Variants in P2RY14 observed in about 807,000 individuals in gnomAD.
P2RY14 encodes P2Y purinoceptor 14.
Under a neutral mutation model 0.9 loss-of-function variants are expected in P2RY14, and 2 were observed. That is an observed-to-expected ratio of 2.16 (90% CI 0.88 to 6.79). The LOEUF (loss-of-function observed/expected upper bound fraction) is 6.79, where lower values mean the gene tolerates loss of function less well. P2RY14 is among the 30% of genes most tolerant of loss of function. P2RY14 has a pLI of 0.05. For synonymous variants in P2RY14, 158 were observed against 147.2 expected (o/e 1.07, Z -0.53); for missense variants, 378 against 400.1 (o/e 0.94, Z 0.47).
chr3:151,261,486 C>T (rs569236194), intron 1 of P2RY14: 4 of 152,136 alleles, frequency 2.6e-5, no homozygotes, highest in Non-Finnish European at 5.9e-5. Flanking sequence ...ACATTACTTC[C>T]GTTAGAGAGG....
At chr3:151,250,500 A>G (rs1168245238) in intron 1 of P2RY14, among the ~76,000 whole-genome samples, 4 of 152,176 alleles carry the variant, frequency 2.6e-5, no homozygotes, top group South Asian at 2.1e-4. Context: ...TACTCTAGCT[A>G]TCTCATAGAA....
At chr3:151,216,110 C>T (rs1156365085) in intron 2 of P2RY14, among the ~76,000 whole-genome samples, 1 of 152,196 alleles carries the variant, frequency 6.6e-6, no homozygotes, top group Non-Finnish European at 1.5e-5. Context: ...TCCACTACTA[C>T]AAGCTCCTTC....
At chr3:151,224,306 T>C (rs139331893) in intron 1 of P2RY14, among the ~76,000 whole-genome samples, 1 of 152,332 alleles carries the variant, frequency 6.6e-6, no homozygotes, top group East Asian at 1.9e-4. Flanking sequence ...TGGATCTTTT[T>C]CTATGAGATA....
chr3:151,272,929 T>C (rs1175291049), intron 1 of P2RY14, among the ~76,000 whole-genome samples: 2 of 152,158 alleles, frequency 1.3e-5, no homozygotes, highest in Non-Finnish European at 2.9e-5. Context: ...GTATCCCTAA[T>C]CCCAAAATCT....
intron 1 of P2RY14, among the ~76,000 whole-genome samples, chr3:151,222,593 A>G (rs1397831715): frequency 2.0e-5 from 3 of 152,230 alleles, no homozygotes; most frequent in Non-Finnish European, 4.4e-5. Context: ...CCACCATGTG[A>G]GATGTGCTCC....
At chr3:151,221,692 G>C (rs1359242878) in intron 1 of P2RY14, among the ~76,000 whole-genome samples, 1 of 152,218 alleles carries the variant, frequency 6.6e-6, no homozygotes, top group Non-Finnish European at 1.5e-5. Context: ...CCTCCGCCTA[G>C]ATTTCAGAAT....
At chr3:151,249,502 G>A (rs1736427868) in intron 1 of P2RY14, among the ~76,000 whole-genome samples, 1 of 152,078 alleles carries the variant, frequency 6.6e-6, no homozygotes, top group East Asian at 1.9e-4. Context: ...CAAGATAACT[G>A]TCAAATGAGA....
In P2RY14 at chr3:151,240,643, A is replaced by G. The variant is rs545604724; in HGVS notation, c.-132-21001T>C. ...GCATCTCCTTTATCTACCATGCAAG[A>G]TTGCTTCTATGAAAATCTGAGTCCC... On this transcript the variant is annotated intron_variant, in intron 1 of 2. Transcript: ENST00000309170. 1.1e-4 allele frequency among the ~76,000 whole-genome samples: 17 copies of G among 152,340 alleles called. 1 individual carries two copies. The South Asian group carries it at 3.3e-3, about 30-fold the overall frequency.
At chr3:151,243,175 A>G (rs1165218936) in intron 1 of P2RY14, among the ~76,000 whole-genome samples, 1 of 152,082 alleles carries the variant, frequency 6.6e-6, no homozygotes, top group Non-Finnish European at 1.5e-5. Flanking sequence ...GAATGGAACC[A>G]AGTTGGAAAA....
chr3:151,251,269 C>T (rs1279641759), intron 1 of P2RY14, among the ~76,000 whole-genome samples: 1 of 152,154 alleles, frequency 6.6e-6, no homozygotes, highest in Non-Finnish European at 1.5e-5. Flanking sequence ...GTTCTTCCTA[C>T]TCAATGTGTC....
At chr3:151,269,253 AGCCAGGTGTGGTGGTGCAT>A (rs1414575213) in intron 1 of P2RY14, among the ~76,000 whole-genome samples, 1 of 152,152 alleles carries the variant, frequency 6.6e-6, no homozygotes, top group Non-Finnish European at 1.5e-5. Flanking sequence ...ATACAAAATT[AGCCAGGTGTGGTGGTGCAT>A]GCCTGTAATC....
chr3:151,274,281 C>T (rs2149575945), intron 1 of P2RY14, among the ~76,000 whole-genome samples: 1 of 152,256 alleles, frequency 6.6e-6, no homozygotes, highest in South Asian at 2.1e-4. Flanking sequence ...AACTAACTTG[C>T]CTCAGTGGTA....
intron 1 of P2RY14, among the ~76,000 whole-genome samples, chr3:151,275,155 G>T (rs570019112): frequency 6.6e-6 from 1 of 152,230 alleles, no homozygotes; most frequent in Middle Eastern, 3.4e-3. Flanking sequence ...GGCTATAAGT[G>T]ATGTGATGAA....
intron 1 of P2RY14, among the ~76,000 whole-genome samples, chr3:151,239,310 C>G (rs778687029): frequency 9.9e-5 from 15 of 152,156 alleles, no homozygotes; most frequent in Non-Finnish European, 1.6e-4. Flanking sequence ...TCCAATATTG[C>G]AATCATGCTT....
chr3:151,228,807 G>A lies in P2RY14; in HGVS notation c.-132-9165C>T, dbSNP rs555122859. 2.0e-5 allele frequency among the ~76,000 whole-genome samples: 3 copies of A among 152,308 alleles called. No homozygotes were observed. In the South Asian group the frequency reaches 6.2e-4, roughly 32 times the overall value. ...TTCTTTTTTCTCCTGGAACTAGGTT[G>A]AGCTGCCTGAATTACTGAATTTTTT... On this transcript the variant is annotated intron_variant, in intron 1 of 2. Coordinates refer to ENST00000309170, the MANE Select transcript of P2RY14 (RefSeq NM_014879.4).
intron 1 of P2RY14, among the ~76,000 whole-genome samples, chr3:151,220,067 G>T (rs1729040449): frequency 6.8e-6 from 1 of 148,140 alleles, no homozygotes; most frequent in Non-Finnish European, 1.5e-5. Flanking sequence ...ATTTATTTTT[G>T]GGAGCTGTCC....
At chr3:151,241,081 T>A (rs1002452119) in intron 1 of P2RY14, among the ~76,000 whole-genome samples, 1 of 152,010 alleles carries the variant, frequency 6.6e-6, no homozygotes, top group Non-Finnish European at 1.5e-5. Context: ...GGGAGTTTAG[T>A]ACTTGTACTT....
chr3:151,246,554 A>C (rs1034780907), intron 1 of P2RY14, among the ~76,000 whole-genome samples: 29 of 152,192 alleles, frequency 1.9e-4, no homozygotes, highest in South Asian at 4.1e-4. Flanking sequence ...GTGCTGGGAA[A>C]ACTGGCTAGC....
At chr3:151,220,141 A>C (rs1208876658) in intron 1 of P2RY14, among the ~76,000 whole-genome samples, 1 of 148,638 alleles carries the variant, frequency 6.7e-6, no homozygotes, top group African/African-American at 2.5e-5. Flanking sequence ...GTAACCCACT[A>C]CCCAAGTTGC....
Sources: gnomAD v4.1 joint callset for allele counts (sites outside exome capture counted in the v4.1 genomes callset) on GRCh38, gnomAD v4.1.1 for gene constraint, MANE v1.5 for transcripts, NCBI Gene and HGNC (gene_info 2026-07-23, HGNC 2026-07-21) for gene names.